The following MRPS28 variants were observed in gnomAD, a reference collection of about 807,000 sequenced individuals.
MRPS28 encodes the protein small ribosomal subunit protein bS1m.
A neutral mutation model predicts 10.8 loss-of-function variants in MRPS28; 7 were observed. The ratio of observed to expected loss-of-function variants is 0.65; its 90% CI spans 0.37 to 1.22. The LOEUF (loss-of-function observed/expected upper bound fraction) is 1.22, where lower values mean the gene tolerates loss of function less well. Ranked by LOEUF, MRPS28 falls within the 50% of genes most tolerant of loss-of-function variation. MRPS28 has a pLI of 0.02. For missense variants in MRPS28, 265 were observed against 232.9 expected, an observed-to-expected ratio of 1.14 and a Z score of -0.90; for synonymous variants, 121 against 93.3, an observed-to-expected ratio of 1.30 and a Z score of -1.71.
chr8:80,012,075 T>C (rs115901202), intron 1 of MRPS28, among the ~76,000 whole-genome samples: 124 of 152,174 alleles, frequency 8.1e-4, no homozygotes, highest in African/African-American at 2.9e-3. Context: ...AAAGTTATAG[T>C]TACTTTTTAT....
At chr8:79,985,015 A>G (rs1357241090) in intron 2 of MRPS28, among the ~76,000 whole-genome samples, 4 of 152,208 alleles carry the variant, frequency 2.6e-5, no homozygotes, top group Admixed American at 2.0e-4. Context: ...AATTGACCAC[A>G]TAGTTGGAAG....
intron 2 of MRPS28, among the ~76,000 whole-genome samples, chr8:79,982,713 C>T (rs964142867): frequency 3.9e-5 from 6 of 152,222 alleles, no homozygotes; most frequent in South Asian, 2.1e-4. Context: ...GGCTGAGGGA[C>T]GGGCACCCGC....
intron 2 of MRPS28, among the ~76,000 whole-genome samples, chr8:79,998,551 A>G (rs1808569716): frequency 6.6e-6 from 1 of 152,202 alleles, no homozygotes; most frequent in Non-Finnish European, 1.5e-5. Context: ...TTCCTTTCCA[A>G]GTGTTTTTCA....
chr8:80,003,554 C>G (rs756853886), intron 1 of MRPS28, among the ~76,000 whole-genome samples: 1 of 152,202 alleles, frequency 6.6e-6, no homozygotes, highest in South Asian at 2.1e-4. Flanking sequence ...CTCCAGTCTA[C>G]AGCTCCCAGC....
intron 1 of MRPS28, among the ~76,000 whole-genome samples, chr8:80,015,776 AG>A (rs1234409766): frequency 6.6e-6 from 1 of 152,230 alleles, no homozygotes; most frequent in Non-Finnish European, 1.5e-5. Flanking sequence ...TAAGACACTA[AG>A]GGCTCTAACG....
intron 2 of MRPS28, among the ~76,000 whole-genome samples, chr8:79,991,993 G>A (rs1014538753): frequency 6.6e-6 from 1 of 150,644 alleles, no homozygotes; most frequent in African/African-American, 2.5e-5. Context: ...GCTATGTTGT[G>A]AGGGCACTCA....
At chr8:79,994,199 A>G (rs974640800) in intron 2 of MRPS28, among the ~76,000 whole-genome samples, 3 of 152,192 alleles carry the variant, frequency 2.0e-5, no homozygotes, top group African/African-American at 4.8e-5. Flanking sequence ...TAATGAAATG[A>G]AAAGATTTGG....
At chr8:79,965,292 G>A (rs1275360646) in intron 2 of MRPS28, among the ~76,000 whole-genome samples, 1 of 152,088 alleles carries the variant, frequency 6.6e-6, no homozygotes, top group Non-Finnish European at 1.5e-5. Flanking sequence ...AGATGACACT[G>A]TTAAATAAGC....
intron 2 of MRPS28, among the ~76,000 whole-genome samples, chr8:79,998,528 TA>T (rs1219325642): frequency 6.6e-6 from 1 of 152,226 alleles, no homozygotes; most frequent in Admixed American, 6.5e-5. Flanking sequence ...CATGTCTTTC[TA>T]AAATTAGTTT....
chr8:79,996,870 G>C (rs559509767), intron 2 of MRPS28, among the ~76,000 whole-genome samples: 1 of 152,266 alleles, frequency 6.6e-6, no homozygotes, highest in East Asian at 1.9e-4. Context: ...GAAGCACAGC[G>C]GGGTGAAAAG....
rs149374328 is a variant in MRPS28, at chr8:79,970,668, A to C, written c.395+32331T>G. Reference sequence around the variant, plus strand: ...CTGAACCACAGAAAAATAACTCCTTAATTTGTGGTTGGAATAACCACTGCA... The same window carrying C: ...CTGAACCACAGAAAAATAACTCCTTCATTTGTGGTTGGAATAACCACTGCA... On this transcript the variant is annotated intron_variant, in intron 2 of 2. Transcript: ENST00000276585. Among the ~76,000 whole-genome samples the C allele has an allele frequency of 8.6e-3, 1,313 of 152,314 alleles. 25 individuals are homozygous for C. Among genetic ancestry groups the C allele is most frequent in the African/African-American group, 0.03 (1,251 of 41,556 alleles).
At chr8:79,920,025 G>A (rs1810041699) in intron 2 of MRPS28, among the ~76,000 whole-genome samples, 1 of 140,544 alleles carries the variant, frequency 7.1e-6, no homozygotes, top group South Asian at 2.2e-4. Flanking sequence ...CCACCTATAA[G>A]TGAGAACATG....
chr8:80,015,900 T>C (rs1286376099), intron 1 of MRPS28, among the ~76,000 whole-genome samples: 1 of 151,474 alleles, frequency 6.6e-6, no homozygotes, highest in Non-Finnish European at 1.5e-5. Context: ...AAATGAAGAA[T>C]GCCTTTGATG....
At chr8:79,985,978 G>T (rs1432013457) in intron 2 of MRPS28, among the ~76,000 whole-genome samples, 1 of 152,072 alleles carries the variant, frequency 6.6e-6, no homozygotes, top group Non-Finnish European at 1.5e-5. Flanking sequence ...AACCAAAAAA[G>T]AGAATTTTAG....
At chr8:80,005,019 C>A (rs919429215) in intron 1 of MRPS28, among the ~76,000 whole-genome samples, 11 of 152,112 alleles carry the variant, frequency 7.2e-5, no homozygotes, top group Non-Finnish European at 1.6e-4. Context: ...ATTGGTGTAC[C>A]CAAAAGTGAC....
At chr8:79,960,684 A>T (rs2130003143) in intron 2 of MRPS28, among the ~76,000 whole-genome samples, 1 of 152,240 alleles carries the variant, frequency 6.6e-6, no homozygotes, top group East Asian at 1.9e-4. Flanking sequence ...AGAATTCTAC[A>T]TTTTAATTAT....
At chr8:79,941,366 T>C (rs1806761337) in intron 2 of MRPS28, among the ~76,000 whole-genome samples, 1 of 152,212 alleles carries the variant, frequency 6.6e-6, no homozygotes, top group Admixed American at 6.5e-5. Flanking sequence ...CTGAAGAAAG[T>C]GCTCCAAATG....
At chr8:79,990,609 G>A (rs1808334375) in intron 2 of MRPS28, among the ~76,000 whole-genome samples, 1 of 139,240 alleles carries the variant, frequency 7.2e-6, no homozygotes, top group Admixed American at 7.6e-5. Flanking sequence ...CTTGACCACT[G>A]TGGTCACTTT....
At chr8:79,933,234 C>T (rs1320742112) in intron 2 of MRPS28, among the ~76,000 whole-genome samples, 4 of 152,178 alleles carry the variant, frequency 2.6e-5, no homozygotes, top group African/African-American at 9.7e-5. Context: ...AAGGCTCGGG[C>T]CAATTCAATT....
Sources: allele counts gnomAD v4.1 joint callset (sites outside exome capture counted in the v4.1 genomes callset), GRCh38; gene constraint gnomAD v4.1.1; transcripts MANE v1.5; gene names NCBI Gene and HGNC (gene_info 2026-07-23, HGNC 2026-07-21).